Variants in PDZD8 observed in about 807,000 individuals in gnomAD.
The protein encoded by PDZD8 is PDZ domain containing 8.
In PDZD8, 14 loss-of-function variants were observed where a neutral mutation model predicts 85.8. The ratio of observed to expected loss-of-function variants is 0.16; its 90% CI spans 0.11 to 0.26. PDZD8 has a LOEUF of 0.26. PDZD8 is among the 10% of genes least tolerant of loss of function. The pLI, the probability that PDZD8 is intolerant of heterozygous loss-of-function variation, is 1.00. For missense variants in PDZD8, 1,197 were observed against 1,424.3 expected, an observed-to-expected ratio of 0.84 and a Z score of 2.57; for synonymous variants, 592 against 568.6, an observed-to-expected ratio of 1.04 and a Z score of -0.59.
chr10:117,364,083 G>T (rs773865942), intron 1 of PDZD8, among the ~76,000 whole-genome samples: 2 of 152,128 alleles, frequency 1.3e-5, no homozygotes, highest in Non-Finnish European at 2.9e-5. Context: ...TTGTTTGTGT[G>T]TGGGAATGGG....
chr10:117,331,872 A>C (rs1419035492), intron 2 of PDZD8, among the ~76,000 whole-genome samples: 2 of 152,180 alleles, frequency 1.3e-5, no homozygotes, highest in African/African-American at 4.8e-5. Flanking sequence ...ATGGGGAAGA[A>C]AAGAGAGCCT....
chr10:117,286,671 C>T (rs1350386068), intron 4 of PDZD8, among the ~76,000 whole-genome samples: 1 of 152,216 alleles, frequency 6.6e-6, no homozygotes, highest in Non-Finnish European at 1.5e-5. Context: ...GGCAACTTCC[C>T]GGCCCAATCA....
At chr10:117,297,785 T>C (rs996427400) in intron 3 of PDZD8, among the ~76,000 whole-genome samples, 6 of 152,276 alleles carry the variant, frequency 3.9e-5, no homozygotes, top group Admixed American at 1.3e-4. Context: ...TTGATGAAGG[T>C]AGAGGTTACA....
At chr10:117,338,459 GT>G (rs1448597302) in intron 2 of PDZD8, among the ~76,000 whole-genome samples, 2 of 152,204 alleles carry the variant, frequency 1.3e-5, no homozygotes, top group East Asian at 3.9e-4. Context: ...ATTTTTCCAT[GT>G]TTTTCCCTTC....
chr10:117,362,957 G>T (rs1266954268), intron 1 of PDZD8, among the ~76,000 whole-genome samples: 1 of 151,954 alleles, frequency 6.6e-6, no homozygotes, highest in Non-Finnish European at 1.5e-5. Context: ...AAAATCCAAA[G>T]AATTAAACAT....
chr10:117,306,668 T>C (rs535453944), intron 3 of PDZD8, among the ~76,000 whole-genome samples: 1 of 144,800 alleles, frequency 6.9e-6, no homozygotes, highest in Admixed American at 7.0e-5. Flanking sequence ...TTTTTTTTTT[T>C]ATAAATAAGG....
At chr10:117,309,789 CAATT>C (rs1231111283) in intron 3 of PDZD8, among the ~76,000 whole-genome samples, 6 of 152,058 alleles carry the variant, frequency 3.9e-5, no homozygotes, top group Non-Finnish European at 5.9e-5. Context: ...TATTTAATCT[CAATT>C]AACCCTCATA....
chr10:117,354,142 T>C (rs1844852857), intron 1 of PDZD8, among the ~76,000 whole-genome samples: 2 of 152,224 alleles, frequency 1.3e-5, no homozygotes, highest in South Asian at 4.1e-4. Context: ...CTTCTGTTGT[T>C]CTGTGTTCCT....
chr10:117,322,781 T>C (rs964234193), intron 2 of PDZD8, among the ~76,000 whole-genome samples: 19 of 152,098 alleles, frequency 1.2e-4, no homozygotes, highest in African/African-American at 4.6e-4. Flanking sequence ...AACCCATCAC[T>C]AAAAAATAAG....
At chr10:117,316,796 A>G (rs1844138153) in intron 3 of PDZD8, among the ~76,000 whole-genome samples, 1 of 152,214 alleles carries the variant, frequency 6.6e-6, no homozygotes, top group African/African-American at 2.4e-5. Flanking sequence ...CTACTTCTAC[A>G]AAGGCAGAAA....
chr10:117,318,465 T>A (rs1433947739), intron 3 of PDZD8, among the ~76,000 whole-genome samples: 10 of 152,172 alleles, frequency 6.6e-5, no homozygotes, highest in Admixed American at 6.6e-4. Flanking sequence ...AGGGGCCTTT[T>A]TTGTCTTGAA....
chr10:117,347,856 T>C (rs1294962737), intron 1 of PDZD8, among the ~76,000 whole-genome samples: 1 of 152,158 alleles, frequency 6.6e-6, no homozygotes. Flanking sequence ...AAGGATCAGA[T>C]ATTATATGAC....
At chr10:117,315,388 A>G (rs575417760) in intron 3 of PDZD8, among the ~76,000 whole-genome samples, 4 of 152,184 alleles carry the variant, frequency 2.6e-5, no homozygotes, top group Non-Finnish European at 5.9e-5. Context: ...TGAGACCAGG[A>G]GTTCGAGACC....
chr10:117,332,574 T>C (rs1844437665), intron 2 of PDZD8, among the ~76,000 whole-genome samples: 1 of 146,616 alleles, frequency 6.8e-6, no homozygotes, highest in African/African-American at 2.5e-5. Context: ...TGGCGCCATC[T>C]TGACTCACCG....
intron 1 of PDZD8, among the ~76,000 whole-genome samples, chr10:117,365,389 AAATT>A (rs1845071051): frequency 1.3e-5 from 2 of 152,220 alleles, no homozygotes; most frequent in South Asian, 4.1e-4. Context: ...CTGCCTTTAT[AAATT>A]AATAGCAAAT....
chr10:117,283,572 T>C lies in PDZD8; in HGVS notation c.3161A>G (p.Asn1054Ser), dbSNP rs755811347. The change falls in exon 5 of 5, where the codon AAT becomes AGT. Residue 1054 changes from asparagine (N) to serine (S), a missense_variant. Physicochemically the swap from Asn to Ser is conservative, Grantham distance 46. Transcript: ENST00000334464. ...TTTTTCTTCTCTAACAAGGGAATTA[T>C]TGTGTTCCAACTCCTGATCAATTTC... ...QNEIDQELEH[N>S]NSLVREEKET... The C allele has an allele frequency of 1.2e-5, 20 of 1,614,216 alleles. No homozygotes were observed. The highest frequency in any genetic ancestry group is 1.7e-5 in the Admixed American group (1 of 60,026).
At chr10:117,308,142 C>T (rs561634620) in intron 3 of PDZD8, among the ~76,000 whole-genome samples, 30 of 152,108 alleles carry the variant, frequency 2.0e-4, no homozygotes, top group Admixed American at 9.8e-4. Context: ...AATATAAATG[C>T]TTGTCCATAT....
Position 117,374,632 on chromosome 10 carries a change from T to C in PDZD8, c.596A>G (p.Asn199Ser), listed in dbSNP as rs776306015. ...ELAFEAEVEY[N>S]GGFHLAIDVD... ...GTCGATGGCCAGGTGGAAGCCCCCGTTGTACTCCACCTCCGCCTCGAAGGC... is the reference window on the plus strand; with the variant it reads ...GTCGATGGCCAGGTGGAAGCCCCCGCTGTACTCCACCTCCGCCTCGAAGGC... Residue 199 changes from asparagine to serine, a missense_variant, in exon 1 of 5, where the codon AAC becomes AGC. Coordinates refer to ENST00000334464, the MANE Select transcript of PDZD8 (RefSeq NM_173791.5). The surrounding 1 kb of genome is among the most constrained non-coding windows in gnomAD (Gnocchi z 7.8). 3 of 1,583,446 alleles carry C rather than the reference T, an allele frequency of 1.9e-6. No homozygotes were observed. Among genetic ancestry groups the C allele is most frequent in the African/African-American group, 2.7e-5 (2 of 74,356 alleles).
chr10:117,295,768 A>G (rs1843745657), intron 3 of PDZD8, among the ~76,000 whole-genome samples: 1 of 152,186 alleles, frequency 6.6e-6, no homozygotes. Flanking sequence ...TCAATACTGC[A>G]AAAAAATTAA....
Sources: gnomAD v4.1 joint callset for allele counts (sites outside exome capture counted in the v4.1 genomes callset) on GRCh38, gnomAD v4.1.1 for gene constraint, Gnocchi (gnomAD v3.1) non-coding constraint, MANE v1.5 for transcripts, NCBI Gene and HGNC (gene_info 2026-07-23, HGNC 2026-07-21) for gene names.